The following GLRX3 variants were observed in gnomAD, a reference collection of about 807,000 sequenced individuals.
GLRX3 encodes the protein glutaredoxin 3, also known as glutaredoxin-3.
GLRX3 carries 22 observed loss-of-function variants against 49.5 expected under a neutral mutation model. That is an observed-to-expected ratio of 0.44 (90% CI 0.32 to 0.63). The LOEUF (loss-of-function observed/expected upper bound fraction) is 0.63. Ranked by LOEUF, GLRX3 falls within the 30% of genes least tolerant of loss-of-function variation. The probability of loss-of-function intolerance (pLI) is 0.05; values close to 1 mark genes in which losing one functional copy is unlikely to be tolerated. For synonymous variants in GLRX3, 133 were observed against 140.0 expected, an observed-to-expected ratio of 0.95 and a Z score of 0.35; for missense variants, 385 against 396.3, an observed-to-expected ratio of 0.97 and a Z score of 0.24.
chr10:130,157,489 C>G (rs1862494480), intron 2 of GLRX3, among the ~76,000 whole-genome samples: 1 of 4,628 alleles, frequency 2.2e-4, no homozygotes, highest in Non-Finnish European at 6.2e-4. Context: ...GGATGGTGGC[C>G]GCCGCCCCCC....
chr10:130,146,071 G>A (rs73389584), intron 2 of GLRX3, among the ~76,000 whole-genome samples: 13,168 of 152,126 alleles, frequency 0.087, 916 homozygotes, highest in African/African-American at 0.19. Flanking sequence ...GTGATTAGGC[G>A]TGAGCCACCA....
At chr10:130,139,647 A>AAC (rs1247252627) in intron 1 of GLRX3, among the ~76,000 whole-genome samples, 5 of 136,430 alleles carry the variant, frequency 3.7e-5, no homozygotes, top group Non-Finnish European at 8.1e-5. Context: ...ATCTCAAAAA[A>AAC]AAAAAAACCA....
At chr10:130,169,954 A>T (rs1862772984) in intron 7 of GLRX3, among the ~76,000 whole-genome samples, 1 of 152,214 alleles carries the variant, frequency 6.6e-6, no homozygotes, top group African/African-American at 2.4e-5. Context: ...AATGAGTGAA[A>T]TGGTCAGCAA....
intron 2 of GLRX3, among the ~76,000 whole-genome samples, chr10:130,157,233 A>G (rs1219104437): frequency 6.6e-6 from 1 of 151,910 alleles, no homozygotes; most frequent in Non-Finnish European, 1.5e-5. Context: ...AAGGCCTGAG[A>G]ACCTGGGGGC....
chr10:130,160,813 C>A lies in GLRX3; in HGVS notation c.294C>A (p.Asp98Glu). The change falls in exon 4 of 11, where the codon GAC (aspartate) becomes GAA (glutamate). Residue 98 changes from aspartate to glutamate, a missense_variant. Physicochemically the swap from Asp to Glu is conservative, Grantham distance 45 (BLOSUM62 2). Transcript: ENST00000331244. ...AACTTTAGAATTCTCAGAAAATCGACCGATTAGATGGTGCACATGCCCCAG... is the reference window on the plus strand; with the variant it reads ...AACTTTAGAATTCTCAGAAAATCGAACGATTAGATGGTGCACATGCCCCAG... ...FLFFKNSQKIDRLDGAHAPEL... is the reference protein window; with the variant it reads ...FLFFKNSQKIERLDGAHAPEL... The A allele has an allele frequency of 6.3e-7, 1 of 1,594,494 alleles. No homozygotes were observed. Among genetic ancestry groups the A allele is most frequent in the Non-Finnish European group, 8.6e-7 (1 of 1,162,308 alleles).
intron 2 of GLRX3, among the ~76,000 whole-genome samples, chr10:130,149,449 A>G (rs148413856): frequency 6.6e-6 from 1 of 152,040 alleles, no homozygotes. Context: ...CTCAAAAAAA[A>G]AAAACAAAAC....
chr10:130,144,470 C>G (rs889705157), intron 1 of GLRX3, among the ~76,000 whole-genome samples: 1 of 151,990 alleles, frequency 6.6e-6, no homozygotes, highest in Admixed American at 6.6e-5. Context: ...CCCCCCACCC[C>G]CTGACAGGCC....
At chr10:130,171,042 C>A (rs532324466) in intron 7 of GLRX3, among the ~76,000 whole-genome samples, 12 of 151,980 alleles carry the variant, frequency 7.9e-5, no homozygotes, top group Admixed American at 1.3e-4. Context: ...GCAGGAGAAT[C>A]GCTTGAACCT....
At chr10:130,170,680 G>C (rs1862786652) in intron 7 of GLRX3, among the ~76,000 whole-genome samples, 1 of 151,984 alleles carries the variant, frequency 6.6e-6, no homozygotes, top group Admixed American at 6.6e-5. Flanking sequence ...TGGAAACCTA[G>C]AAAGTATTAA....
At chr10:130,180,077 T>C (rs1862995424), downstream of GLRX3, 3 of 150,096 alleles carry the variant, frequency 2.0e-5, no homozygotes, top group Admixed American at 2.0e-4. Flanking sequence ...GTATTGTCAT[T>C]TGTTGTAAGC....
At chr10:130,152,982 T>C (rs1403433311) in intron 2 of GLRX3, among the ~76,000 whole-genome samples, 2 of 152,242 alleles carry the variant, frequency 1.3e-5, no homozygotes, top group Non-Finnish European at 2.9e-5. Flanking sequence ...TCATATTTCT[T>C]GGAGGCTTTG....
At chr10:130,143,412 T>G (rs538838678) in intron 1 of GLRX3, among the ~76,000 whole-genome samples, 1 of 152,246 alleles carries the variant, frequency 6.6e-6, no homozygotes, top group Non-Finnish European at 1.5e-5. Flanking sequence ...TCCATAAAAC[T>G]GAAGGATTTT....
chr10:130,159,984 T>C lies in GLRX3; in HGVS notation c.202-11T>C, dbSNP rs754023692. ...TTGTAATAATCAAGCTTGAATTCTT[T>C]TATTTTAAAGTTGGAAGCTGAAGGT... On this transcript the variant is annotated splice_polypyrimidine_tract_variant and intron_variant, in intron 2 of 10. Coordinates refer to ENST00000331244, the MANE Select transcript of GLRX3 (RefSeq NM_006541.5). The C allele has an allele frequency of 1.4e-5, 21 of 1,535,360 alleles. No homozygotes were observed. The highest frequency in any genetic ancestry group is 1.2e-4 in the Admixed American group (7 of 59,756).
At chr10:130,144,491 A>G (rs190329097) in intron 1 of GLRX3, among the ~76,000 whole-genome samples, 127 of 148,258 alleles carry the variant, frequency 8.6e-4, no homozygotes, top group African/African-American at 2.9e-3. Context: ...CTGGTATGTG[A>G]TGTTCCCCTC....
chr10:130,142,279 G>C (rs1209878344), intron 1 of GLRX3, among the ~76,000 whole-genome samples: 1 of 152,122 alleles, frequency 6.6e-6, no homozygotes, highest in Non-Finnish European at 1.5e-5. Flanking sequence ...CCACCTGAGA[G>C]AAAACAGGAT....
chr10:130,165,501 A>C (rs1862664102), intron 4 of GLRX3, among the ~76,000 whole-genome samples: 1 of 152,198 alleles, frequency 6.6e-6, no homozygotes, highest in East Asian at 1.9e-4. Flanking sequence ...AAATTACATT[A>C]CATACTTTAG....
At chr10:130,177,309 CTGCTGTT>C (rs1352254285) in intron 10 of GLRX3, among the ~76,000 whole-genome samples, 2 of 152,168 alleles carry the variant, frequency 1.3e-5, no homozygotes, top group East Asian at 3.9e-4. Flanking sequence ...CGGTTCACTA[CTGCTGTT>C]CCAGAATGTT....
At chr10:130,148,159 CAAG>C (rs1166853278) in intron 2 of GLRX3, among the ~76,000 whole-genome samples, 1 of 151,938 alleles carries the variant, frequency 6.6e-6, no homozygotes, top group African/African-American at 2.4e-5. Flanking sequence ...TTTTTGGAGA[CAAG>C]GTCTCACTCT....
chr10:130,138,293 A>G (rs35157379), intron 1 of GLRX3, among the ~76,000 whole-genome samples: 47,124 of 151,980 alleles, frequency 0.31, 8,094 homozygotes, highest in South Asian at 0.41. Context: ...TCCTGAGCTC[A>G]AGTGATTCGC....
Sources: gnomAD v4.1 joint callset for allele counts (sites outside exome capture counted in the v4.1 genomes callset) on GRCh38, gnomAD v4.1.1 for gene constraint, MANE v1.5 for transcripts, NCBI Gene and HGNC (gene_info 2026-07-23, HGNC 2026-07-21) for gene names.